The following ITPR2 variants were observed in gnomAD, a reference collection of about 807,000 sequenced individuals.
ITPR2 encodes inositol 1,4,5-trisphosphate-gated calcium channel ITPR2.
In ITPR2, 207 loss-of-function variants were observed where a neutral mutation model predicts 317.1. That is an observed-to-expected ratio of 0.65 (90% CI 0.58 to 0.73). The LOEUF (loss-of-function observed/expected upper bound fraction) is 0.73. ITPR2 is among the 30% of genes least tolerant of loss of function. The pLI, the probability that ITPR2 is intolerant of heterozygous loss-of-function variation, is 0.00. For synonymous variants in ITPR2, 1,156 were observed against 1,149.1 expected (o/e 1.01, Z -0.12); for missense variants, 2,613 against 3,284.0 (o/e 0.80, Z 4.99).
intron 30 of ITPR2, among the ~76,000 whole-genome samples, 186 bp from the exon 31 acceptor site, chr12:26,597,320 T>C (rs988692486): frequency 6.6e-6 from 1 of 152,172 alleles, no homozygotes; most frequent in Non-Finnish European, 1.5e-5. Context: ...GAACCAGCTA[T>C]GAACGCTATC....
At chr12:26,426,784 A>G (rs1941072723) in intron 49 of ITPR2, among the ~76,000 whole-genome samples, 1 of 151,834 alleles carries the variant, frequency 6.6e-6, no homozygotes, top group Non-Finnish European at 1.5e-5. Flanking sequence ...ATAATTCTTG[A>G]AAGTTTGGTT....
In ITPR2 at chr12:26,663,665, A is replaced by T; in HGVS notation, c.1713+20T>A. ...ATACTTTACATATGAAACAGTTTAA[A>T]ATGGGGGCTACCCTCTGACCTGATT... On this transcript the variant is annotated intron_variant, in intron 15 of 56. Coordinates refer to ENST00000381340, the MANE Select transcript of ITPR2 (RefSeq NM_002223.4). 1 of 1,590,436 alleles carries T rather than the reference A, an allele frequency of 6.3e-7. No homozygotes were observed. Among genetic ancestry groups the T allele is most frequent in the African/African-American group, 1.4e-5 (1 of 73,900 alleles).
chr12:26,632,172 TAAGAC>T, intron 21 of ITPR2, 113 bp from the exon 22 acceptor site: 1 of 657,972 alleles, frequency 1.5e-6, no homozygotes, highest in Non-Finnish European at 2.4e-6. Flanking sequence ...GGATTCAGGA[TAAGAC>T]AGAATAGCAT....
chr12:26,588,936 A>C (rs998963261), intron 32 of ITPR2, among the ~76,000 whole-genome samples: 9 of 152,216 alleles, frequency 5.9e-5, no homozygotes, highest in African/African-American at 2.2e-4. Flanking sequence ...TCAAAGAAAA[A>C]ATATAGTCTG....
intron 45 of ITPR2, among the ~76,000 whole-genome samples, chr12:26,466,706 T>C (rs554102791): frequency 3.3e-5 from 5 of 152,342 alleles, no homozygotes; most frequent in African/African-American, 1.2e-4. Context: ...CACATTTTTA[T>C]AGATGAGAAG....
intron 13 of ITPR2, among the ~76,000 whole-genome samples, chr12:26,679,761 C>A (rs1158008731): frequency 6.6e-6 from 1 of 151,722 alleles, no homozygotes; most frequent in East Asian, 1.9e-4. Flanking sequence ...TGTTTTTGTA[C>A]AAGATTCAAT....
At chr12:26,556,652 C>A (rs1944672265) in intron 35 of ITPR2, among the ~76,000 whole-genome samples, 1 of 149,320 alleles carries the variant, frequency 6.7e-6, no homozygotes, top group Non-Finnish European at 1.5e-5. Context: ...AGGATATACA[C>A]CTATAGAGGA....
chr12:26,409,300 T>A (rs1316504227), intron 52 of ITPR2, among the ~76,000 whole-genome samples: 1 of 152,176 alleles, frequency 6.6e-6, no homozygotes, highest in Non-Finnish European at 1.5e-5. Flanking sequence ...GTATCTGGGC[T>A]TTGGCAAAAA....
At chr12:26,665,882 T>C (rs1193382745) in intron 14 of ITPR2, 28 bp downstream of exon 14, 5 of 1,586,078 alleles carry the variant, frequency 3.2e-6, no homozygotes, top group Middle Eastern at 1.7e-4. Context: ...AAATAAAATA[T>C]ACAAATTTAG....
At chr12:26,560,813 C>T (rs944779959) in intron 35 of ITPR2, among the ~76,000 whole-genome samples, 8 of 152,194 alleles carry the variant, frequency 5.3e-5, no homozygotes, top group Non-Finnish European at 1.0e-4. Flanking sequence ...GTATAACACT[C>T]ATCTACATGT....
intron 3 of ITPR2, 71 bp from the exon 4 acceptor site, chr12:26,724,813 T>C: frequency 2.9e-6 from 3 of 1,037,494 alleles, no homozygotes; most frequent in South Asian, 2.8e-5. Context: ...CAAAGAAATT[T>C]TTTTTAGGAA....
At chr12:26,782,070 AGAGC>A (rs1555190867) in intron 2 of ITPR2, among the ~76,000 whole-genome samples, 13 of 122,604 alleles carry the variant, frequency 1.1e-4, no homozygotes, top group South Asian at 2.6e-4. Context: ...AGAGAGAGAG[AGAGC>A]GAGAGAGATC....
rs547173070 is a variant in ITPR2 at position 26,398,021 on chromosome 12, C to T, written c.7696+855G>A. ...AGAAGGAAGGAGAAGGCTGTGTGCA[C>T]TAGGAGAGATGATGACAGGAGAAGG... is the stretch of plus-strand genomic sequence containing the variant. On this transcript the variant is annotated intron_variant, in intron 54 of 56. Transcript: ENST00000381340. Among the ~76,000 whole-genome samples the T allele has an allele frequency of 4.7e-5, 7 of 148,176 alleles. No individual in the cohort carries two copies. In the Admixed American group the frequency reaches 4.7e-4, roughly 10 times the overall value.
chr12:26,582,407 A>G (rs1276720489), intron 32 of ITPR2, among the ~76,000 whole-genome samples: 1 of 152,228 alleles, frequency 6.6e-6, no homozygotes, highest in Non-Finnish European at 1.5e-5. Flanking sequence ...ATCCATTTGC[A>G]CATATTATTC....
chr12:26,489,127 T>TTTCATATATATTTGAAA (rs1942739129), intron 39 of ITPR2, among the ~76,000 whole-genome samples: 2 of 152,176 alleles, frequency 1.3e-5, no homozygotes, highest in Non-Finnish European at 2.9e-5. Context: ...AAAGGAAAAG[T>TTTCATATATATTTGAAA]AGGTTTCATA....
Position 26,622,262 on chromosome 12 carries a change from T to C in ITPR2, c.3266A>G (p.Glu1089Gly). ...TACCTGCTTAAATGCCTGTAAAACCTCTGCCCTCTGGCTGAAGTGCTTAAA... is the reference window on the plus strand; with the variant it reads ...TACCTGCTTAAATGCCTGTAAAACCCCTGCCCTCTGGCTGAAGTGCTTAAA... ...LLFKHFSQRA[E>G]VLQAFKQVQL... Residue 1089 changes from glutamate (E) to glycine (G), a missense_variant, in exon 25 of 57, where the codon GAG (glutamate) becomes GGG (glycine). Physicochemically the swap from Glu to Gly is moderately conservative, Grantham distance 98. Transcript: ENST00000381340. The C allele has an allele frequency of 6.2e-7, 1 of 1,613,320 alleles. No individual in the cohort carries two copies. The highest frequency in any genetic ancestry group is 1.7e-5 in the Admixed American group (1 of 59,828).
At chr12:26,770,355 G>T (rs527953653) in intron 2 of ITPR2, among the ~76,000 whole-genome samples, 1 of 152,224 alleles carries the variant, frequency 6.6e-6, no homozygotes, top group East Asian at 1.9e-4. Context: ...CCCACAAACT[G>T]GTCATGCTAT....
At chr12:26,610,750 GAT>G (rs141732567) in intron 26 of ITPR2, among the ~76,000 whole-genome samples, 3 of 152,284 alleles carry the variant, frequency 2.0e-5, no homozygotes, top group Non-Finnish European at 4.4e-5. Flanking sequence ...TAATCATAGA[GAT>G]AGTGAGGAAT....
At chr12:26,816,703 A>G (rs1327950693) in intron 1 of ITPR2, among the ~76,000 whole-genome samples, 1 of 152,182 alleles carries the variant, frequency 6.6e-6, no homozygotes, top group South Asian at 2.1e-4. Context: ...TTTGTGAAGG[A>G]AAAGAATATG....
Sources: allele counts gnomAD v4.1 joint callset (sites outside exome capture counted in the v4.1 genomes callset), GRCh38; gene constraint gnomAD v4.1.1; transcripts MANE v1.5; gene names NCBI Gene and HGNC (gene_info 2026-07-23, HGNC 2026-07-21).